Variants in AKAP13 observed in about 807,000 individuals in gnomAD.
AKAP13 encodes the protein A-kinase anchor protein 13.
A neutral mutation model predicts 264.5 loss-of-function variants in AKAP13; 80 were observed. That is an observed-to-expected ratio of 0.30 (90% CI 0.25 to 0.36). AKAP13 has a LOEUF of 0.36. AKAP13 is among the 10% of genes least tolerant of loss of function. The pLI, the probability that AKAP13 is intolerant of heterozygous loss-of-function variation, is 1.00. For missense variants in AKAP13, 3,712 were observed against 3,435.2 expected (o/e 1.08, Z -2.01); for synonymous variants, 1,380 against 1,250.2 (o/e 1.10, Z -2.19).
intron 1 of AKAP13, among the ~76,000 whole-genome samples, chr15:85,459,739 T>C (rs866980488): frequency 6.6e-6 from 1 of 152,150 alleles, no homozygotes; most frequent in Non-Finnish European, 1.5e-5. Context: ...GACCTTGTGA[T>C]CCGCCTGCCT....
At chr15:85,740,494 A>C in intron 34 of AKAP13, 1 of 535,246 alleles carries the variant, frequency 1.9e-6, no homozygotes, top group South Asian at 2.8e-5. Context: ...TGGCTTGATA[A>C]CCATGCTACA....
At chr15:85,698,497 TA>T (rs1390191292) in intron 17 of AKAP13, among the ~76,000 whole-genome samples, 2 of 145,118 alleles carry the variant, frequency 1.4e-5, no homozygotes, top group African/African-American at 5.1e-5. Context: ...AGAGAGAATA[TA>T]GGACAGATCA....
intron 1 of AKAP13, among the ~76,000 whole-genome samples, chr15:85,411,583 G>A (rs562793209): frequency 1.2e-4 from 19 of 152,128 alleles, no homozygotes; most frequent in African/African-American, 3.9e-4. Context: ...GACTACAGGC[G>A]CCCACCACCA....
At chr15:85,480,292 C>T (rs543588691) in intron 1 of AKAP13, among the ~76,000 whole-genome samples, 38 of 152,236 alleles carry the variant, frequency 2.5e-4, no homozygotes, top group Admixed American at 9.8e-4. Flanking sequence ...TTCATTTAGC[C>T]ATTTATGGAT....
chr15:85,481,286 A>C (rs1386528887), intron 1 of AKAP13, among the ~76,000 whole-genome samples: 1 of 152,168 alleles, frequency 6.6e-6, no homozygotes, highest in Non-Finnish European at 1.5e-5. Context: ...GCGCTGGTAC[A>C]TTCTGATGAT....
intron 3 of AKAP13, among the ~76,000 whole-genome samples, chr15:85,533,002 A>G (rs1352494465): frequency 6.6e-6 from 1 of 152,264 alleles, no homozygotes; most frequent in Non-Finnish European, 1.5e-5. Flanking sequence ...GAGAACAAAA[A>G]TCATTACTTA....
intron 1 of AKAP13, 92 bp from the exon 2 acceptor site, chr15:85,485,618 G>C: frequency 9.4e-7 from 1 of 1,066,496 alleles, no homozygotes; most frequent in Admixed American, 1.9e-5. Flanking sequence ...TGTACTCACA[G>C]AGCTATGCTT....
chr15:85,716,960 G>A (rs185224566), intron 20 of AKAP13, among the ~76,000 whole-genome samples: 1 of 152,296 alleles, frequency 6.6e-6, no homozygotes, highest in African/African-American at 2.4e-5. Context: ...AAAAAACAGT[G>A]TATTGGTTAG....
intron 1 of AKAP13, among the ~76,000 whole-genome samples, chr15:85,394,772 T>C (rs1001083175): frequency 1.3e-5 from 2 of 152,192 alleles, no homozygotes; most frequent in Admixed American, 1.3e-4. Flanking sequence ...TTGAGTTCTT[T>C]TGTTCTGTGA....
rs2071436869 is a variant in AKAP13, at chr15:85,401,916, C to CT, written c.-12+21119dup. ...TTAAAAATAGGAAGATGGAAACTCA[C>CT]TGACTGGTAGAAATGTAAAGGATAA... On this transcript the variant is annotated intron_variant, in intron 1 of 36. Transcript: ENST00000394518. Among the ~76,000 whole-genome samples, 4 of 152,048 alleles carry CT rather than the reference C, an allele frequency of 2.6e-5. No individual in the cohort carries two copies. In the South Asian group the frequency reaches 8.3e-4, roughly 31 times the overall value.
chr15:85,704,878 G>A (rs564719248), intron 17 of AKAP13, among the ~76,000 whole-genome samples: 50 of 152,280 alleles, frequency 3.3e-4, no homozygotes, highest in Non-Finnish European at 4.1e-4. Flanking sequence ...TGATGTCAGT[G>A]GGGCTGAAGT....
intron 2 of AKAP13, among the ~76,000 whole-genome samples, chr15:85,502,794 A>T (rs534427267): frequency 6.6e-6 from 1 of 152,208 alleles, no homozygotes; most frequent in African/African-American, 2.4e-5. Context: ...AATTAATTAG[A>T]TGGATTTTCT....
rs548940218 is a variant in AKAP13, at chr15:85,532,439, G to A, written c.182-1145G>A. ...CCATGCCCTTAGCTGTAGAAGAGCA[G>A]TCTGAATGTGTTAGAGATTCAGGGA... On this transcript the variant is annotated intron_variant, in intron 3 of 36. Transcript: ENST00000394518. 6.6e-5 allele frequency among the ~76,000 whole-genome samples: 10 copies of A among 152,330 alleles called. 1 individual carries two copies. The highest frequency in any genetic ancestry group is 2.4e-4 in the African/African-American group (10 of 41,566).
intron 15 of AKAP13, chr15:85,683,454 C>T (rs897371892): frequency 2.0e-5 from 3 of 152,080 alleles, no homozygotes; most frequent in African/African-American, 7.3e-5. Context: ...TTTGAATGCC[C>T]AGCTGCTCTT....
intron 14 of AKAP13, among the ~76,000 whole-genome samples, chr15:85,680,099 T>C (rs1374023191): frequency 6.6e-6 from 1 of 152,228 alleles, no homozygotes; most frequent in Non-Finnish European, 1.5e-5. Context: ...AAGCTTATGA[T>C]TGGCCCTGCT....
At position 85,579,102 on chromosome 15, in the gene AKAP13, G is replaced by C. The variant is rs750538386; in HGVS notation, c.1034G>C (p.Ser345Thr). The C allele has an allele frequency of 1.1e-5, 17 of 1,614,038 alleles. No homozygotes were observed. In the African/African-American group the frequency reaches 2.3e-4, roughly 22 times the overall value. Residue 345 changes from serine to threonine, a missense_variant, in exon 7 of 37, where the codon AGC (serine) becomes ACC (threonine). Around this residue, in one of 3 missense-constraint regions of AKAP13, gnomAD observed 2,759 missense variants for 2,411.7 expected, o/e 1.14. Transcript: ENST00000394518. Reference sequence around the variant, plus strand: ...GAGAGCACTCAGTGCTGCCCAGGGAGCCCTGTTGCACAGACTGAAAGTCCC... The same window carrying C: ...GAGAGCACTCAGTGCTGCCCAGGGACCCCTGTTGCACAGACTGAAAGTCCC... ...ETESTQCCPGSPVAQTESPCD... is the reference protein window; with the variant it reads ...ETESTQCCPGTPVAQTESPCD...
intron 33 of AKAP13, among the ~76,000 whole-genome samples, chr15:85,738,478 G>A (rs2088704642): frequency 6.6e-6 from 1 of 151,972 alleles, no homozygotes; most frequent in African/African-American, 2.4e-5. Context: ...GTTTTTAAAT[G>A]TATTATAAAA....
chr15:85,503,124 G>A (rs1222359495), intron 2 of AKAP13, among the ~76,000 whole-genome samples: 1 of 152,304 alleles, frequency 6.6e-6, no homozygotes, highest in East Asian at 1.9e-4. Context: ...GTCGTGGTAA[G>A]GGGATTAAAT....
intron 15 of AKAP13, 56 bp downstream of exon 15, chr15:85,682,268 C>A: frequency 6.5e-7 from 1 of 1,544,434 alleles, no homozygotes; most frequent in Middle Eastern, 1.7e-4. Flanking sequence ...AATTTAAAAT[C>A]TCTTAGGCCA....
Sources: gnomAD v4.1 joint callset for allele counts (sites outside exome capture counted in the v4.1 genomes callset) on GRCh38, gnomAD v4.1.1 for gene constraint, gnomAD v4.1.1 regional missense constraint, MANE v1.5 for transcripts, NCBI Gene and HGNC (gene_info 2026-07-23, HGNC 2026-07-21) for gene names.